CPXM2: variants seen among roughly 807,000 people sequenced by gnomAD.
CPXM2 encodes carboxypeptidase X, M14 family member 2.
A neutral mutation model predicts 86.1 loss-of-function variants in CPXM2; 66 were observed. The observed-to-expected ratio is 0.77, with a 90% CI of 0.63 to 0.94. The LOEUF is 0.94. CPXM2 is among the 40% of genes least tolerant of loss of function. CPXM2 has a pLI of 0.00. For synonymous variants in CPXM2, 388 were observed against 400.2 expected (o/e 0.97, Z 0.36); for missense variants, 948 against 1,026.3 (o/e 0.92, Z 1.04).
At chr10:123,755,324 G>T (rs1846179696) in intron 12 of CPXM2, among the ~76,000 whole-genome samples, 1 of 152,166 alleles carries the variant, frequency 6.6e-6, no homozygotes, top group South Asian at 2.1e-4. Flanking sequence ...GGGCTAAGTG[G>T]GAAGCAGGGG....
intron 6 of CPXM2, among the ~76,000 whole-genome samples, chr10:123,787,767 A>G (rs1847097895): frequency 6.6e-6 from 1 of 152,016 alleles, no homozygotes; most frequent in African/African-American, 2.4e-5. Flanking sequence ...GCTCACCTGC[A>G]ACCCAGAAGC....
chr10:123,916,789 T>C (rs1189766863), intron 2 of CPXM2, among the ~76,000 whole-genome samples: 1 of 152,138 alleles, frequency 6.6e-6, no homozygotes, highest in East Asian at 1.9e-4. Flanking sequence ...TTTTTTTTTT[T>C]TCTTTTGAAA....
chr10:123,847,130 G>A (rs1225109485), intron 3 of CPXM2, among the ~76,000 whole-genome samples: 1 of 152,168 alleles, frequency 6.6e-6, no homozygotes, highest in Non-Finnish European at 1.5e-5. Context: ...GGAAAGGGGT[G>A]ATAAAAATGG....
intron 7 of CPXM2, among the ~76,000 whole-genome samples, chr10:123,775,256 C>T (rs977992511): frequency 5.3e-5 from 8 of 152,206 alleles, no homozygotes; most frequent in African/African-American, 1.9e-4. Flanking sequence ...TCCTTTGAGA[C>T]CCCATATACT....
chr10:123,750,152 A>G, intron 13 of CPXM2: 1 of 985,298 alleles, frequency 1.0e-6, no homozygotes, highest in Non-Finnish European at 1.2e-6. Context: ...AGCTATTCTT[A>G]CTAATTTTCA....
intron 6 of CPXM2, among the ~76,000 whole-genome samples, chr10:123,790,755 C>G (rs1847188248): frequency 6.6e-6 from 1 of 152,128 alleles, no homozygotes; most frequent in South Asian, 2.1e-4. Context: ...TCTATCTTAT[C>G]TCAGATTCCC....
chr10:123,883,911 T>C (rs1945137363), intron 1 of CPXM2, among the ~76,000 whole-genome samples: 1 of 152,084 alleles, frequency 6.6e-6, no homozygotes, highest in South Asian at 2.1e-4. Context: ...GGGGCCAGGA[T>C]CAAGCCAGCA....
chr10:123,914,109 G>A, intron 2 of CPXM2: 1 of 463,336 alleles, frequency 2.2e-6, no homozygotes, highest in Non-Finnish European at 4.4e-6. Flanking sequence ...GATCCAGCCT[G>A]CCCTGTGCCT....
intron 2 of CPXM2, among the ~76,000 whole-genome samples, chr10:123,916,236 T>C (rs1945532778): frequency 6.6e-6 from 1 of 152,112 alleles, no homozygotes; most frequent in African/African-American, 2.4e-5. Context: ...AAAATGCTAT[T>C]ATATGTGGGA....
chr10:123,834,868 C>T (rs1848247699), intron 4 of CPXM2, among the ~76,000 whole-genome samples: 2 of 152,078 alleles, frequency 1.3e-5, no homozygotes, highest in South Asian at 4.1e-4. Context: ...TCCATGACAG[C>T]TGGTTGTTAA....
intron 2 of CPXM2, among the ~76,000 whole-genome samples, chr10:123,917,713 C>T (rs1945545023): frequency 6.6e-6 from 1 of 152,234 alleles, no homozygotes. Context: ...GCCTGCCATA[C>T]TCTAGGCACT....
At chr10:123,762,493 G>A (rs1447975215) in intron 10 of CPXM2, among the ~76,000 whole-genome samples, 1 of 152,170 alleles carries the variant, frequency 6.6e-6, no homozygotes, top group African/African-American at 2.4e-5. Flanking sequence ...CCTTATGTTT[G>A]TAAAAGAGTG....
At chr10:123,864,291 C>G (rs948296134) in intron 2 of CPXM2, among the ~76,000 whole-genome samples, 8 of 151,712 alleles carry the variant, frequency 5.3e-5, no homozygotes, top group African/African-American at 1.9e-4. Context: ...TGACACCAAG[C>G]TGGCTAGGCA....
rs571080800 is a variant in CPXM2 at position 123,754,855 on chromosome 10, G to A, written c.1918-93C>T. On this transcript the variant is annotated intron_variant, in intron 12 of 13. Coordinates refer to ENST00000241305, the MANE Select transcript of CPXM2 (RefSeq NM_198148.3). The surrounding 1 kb of genome is among the most constrained non-coding windows in gnomAD (Gnocchi z 4.0). ...GTGGGCTGTCAACCCACCATTGGCC[G>A]GTTCCCACCAAGAACTCACACAGCA... The A allele has an allele frequency of 1.1e-5, 8 of 745,670 alleles. No homozygotes were observed. The highest frequency in any genetic ancestry group is 5.2e-5 in the African/African-American group (3 of 57,926). 46.2% of individuals were successfully genotyped at this position (745,670 alleles called of 1,614,324 possible).
At chr10:123,918,949 C>T (rs1945558429) in intron 2 of CPXM2, among the ~76,000 whole-genome samples, 1 of 152,070 alleles carries the variant, frequency 6.6e-6, no homozygotes. Flanking sequence ...GGTAAAAACC[C>T]CAGCTGGAGC....
At chr10:123,939,737 G>A (rs145107481) in intron 1 of CPXM2, among the ~76,000 whole-genome samples, 2,684 of 152,210 alleles carry the variant, frequency 0.018, 74 homozygotes, top group African/African-American at 0.06. Context: ...ACAGGTAGAC[G>A]CATGCTAAGT....
intron 3 of CPXM2, among the ~76,000 whole-genome samples, chr10:123,852,042 T>A (rs1306901956): frequency 6.6e-6 from 1 of 152,100 alleles, no homozygotes; most frequent in Non-Finnish European, 1.5e-5. Context: ...GAGGGACCCT[T>A]TCTTAGAGAC....
At chr10:123,857,557 T>C (rs1848754081) in intron 3 of CPXM2, among the ~76,000 whole-genome samples, 1 of 122,744 alleles carries the variant, frequency 8.1e-6, no homozygotes, top group African/African-American at 2.9e-5. Flanking sequence ...GAAGGCGGCG[T>C]GGAGATGGAA....
intron 7 of CPXM2, among the ~76,000 whole-genome samples, chr10:123,778,325 T>C (rs954553313): frequency 5.3e-5 from 8 of 152,216 alleles, no homozygotes; most frequent in African/African-American, 1.9e-4. Context: ...GCTCAAAATA[T>C]TGACTTCTTT....
Sources: allele counts gnomAD v4.1 joint callset (sites outside exome capture counted in the v4.1 genomes callset), GRCh38; gene constraint gnomAD v4.1.1; non-coding constraint Gnocchi (gnomAD v3.1); transcripts MANE v1.5; gene names NCBI Gene and HGNC (gene_info 2026-07-23, HGNC 2026-07-21).